UBE4A: variants seen among roughly 807,000 people sequenced by gnomAD.
The protein encoded by UBE4A is ubiquitin conjugation factor E4 A.
Under a neutral mutation model 117.9 loss-of-function variants are expected in UBE4A, and 48 were observed. That is an observed-to-expected ratio of 0.41 (90% CI 0.32 to 0.52). UBE4A has a LOEUF of 0.52. Ranked by LOEUF, UBE4A falls within the 20% of genes least tolerant of loss-of-function variation. The pLI is 0.33. For synonymous variants in UBE4A, 407 were observed against 450.0 expected (o/e 0.90, Z 1.21); for missense variants, 1,067 against 1,296.3 (o/e 0.82, Z 2.72).
At position 118,374,884 on chromosome 11, in the gene UBE4A, C is replaced by T; in HGVS notation, c.1117-12C>T. 6.7e-7 allele frequency: 1 copy of T among 1,489,956 alleles called. No individual in the cohort carries two copies. The allele number at this position is 1,489,956 out of a possible 1,614,324, so 92.3% of individuals were successfully genotyped here. On this transcript the variant is annotated splice_polypyrimidine_tract_variant and intron_variant, in intron 8 of 19. Coordinates refer to ENST00000252108, the MANE Select transcript of UBE4A (RefSeq NM_001204077.2). The stretch of plus-strand genomic sequence containing the variant: ...GTGAAACGTTCTGTGGTTGTGTTTT[C>T]TGGTTGAACAGTTCATGGCTCAGTT...
chr11:118,384,839 C>T lies in UBE4A; in HGVS notation c.2306C>T (p.Ala769Val). The T allele has an allele frequency of 6.2e-7, 1 of 1,613,314 alleles. No individual in the cohort carries two copies. Reference protein sequence around the residue: ...DTYRESIKDLADYASKNLEAM... With the variant: ...DTYRESIKDLVDYASKNLEAM... ...GTGGGCTGGGACTTACAGGATTTGG[C>T]TGACTATGCCTCTAAGAATTTAGAA... is the stretch of plus-strand genomic sequence containing the variant. The change falls in exon 15 of 20, where the codon GCT becomes GTT. Residue 769 changes from alanine (A) to valine (V), a missense_variant. Ala to Val is a moderately conservative substitution (Grantham distance 64). Transcript: ENST00000252108.
chr11:118,372,187 G>A (rs1948615120), intron 5 of UBE4A, among the ~76,000 whole-genome samples: 2 of 152,176 alleles, frequency 1.3e-5, no homozygotes, highest in South Asian at 4.1e-4. Context: ...CCTGGGAGGT[G>A]GAGGTTGCAG....
rs1386810380 is a variant in UBE4A, at chr11:118,373,395, G to A, written c.925-99G>A. On this transcript the variant is annotated intron_variant, in intron 7 of 19. Transcript: ENST00000252108. ...CTACCTATAAAATAAGAAAAAGATA[G>A]CTTGGTTGTTGTATCAACTTAACTG... 2.0e-6 allele frequency: 3 copies of A among 1,522,656 alleles called. 1 individual carries two copies. In the Middle Eastern group the frequency reaches 7.0e-4, roughly 355 times the overall value. The allele number at this position is 1,522,656 out of a possible 1,614,324, so 94.3% of individuals were successfully genotyped here. A position where few individuals can be genotyped will look rare whatever the true frequency, so the allele number is the denominator to read the frequency against.
intron 1 of UBE4A, among the ~76,000 whole-genome samples, chr11:118,361,127 C>A (rs1948517924): frequency 1.3e-5 from 2 of 151,098 alleles, no homozygotes; most frequent in Admixed American, 1.3e-4. Context: ...AAGTGATTCT[C>A]CTGCCTCAGC....
At chr11:118,393,163 T>C (rs1317195944) in intron 19 of UBE4A, among the ~76,000 whole-genome samples, 1 of 152,150 alleles carries the variant, frequency 6.6e-6, no homozygotes, top group African/African-American at 2.4e-5. Context: ...ATGCCTGTAA[T>C]CCCAGCACTT....
intron 10 of UBE4A, among the ~76,000 whole-genome samples, chr11:118,377,999 G>C (rs1440166415): frequency 6.6e-6 from 1 of 151,846 alleles, no homozygotes; most frequent in African/African-American, 2.4e-5. Context: ...TATAATCCCA[G>C]CACTTTGGGA....
chr11:118,377,705 G>A (rs1307819801), intron 10 of UBE4A, among the ~76,000 whole-genome samples: 3 of 151,516 alleles, frequency 2.0e-5, no homozygotes, highest in Non-Finnish European at 2.9e-5. Flanking sequence ...TTGAGCCCAG[G>A]AGTTTGAGAC....
chr11:118,386,570 A>G lies in UBE4A; in HGVS notation c.2545A>G (p.Met849Val). The G allele has an allele frequency of 1.3e-6, 2 of 1,595,760 alleles. No individual in the cohort carries two copies. The highest frequency in any genetic ancestry group is 8.5e-7 in the Non-Finnish European group (1 of 1,173,796). Residue 849 changes from methionine to valine, a missense_variant, in exon 16 of 20, where the codon ATG becomes GTG. Transcript: ENST00000252108. ...ACAGCTGGCACGTTTCCATAACATC[A>G]TGTCCAATGAAACAATCGGTACCCT... is the stretch of plus-strand genomic sequence containing the variant. ...FGQLARFHNI[M>V]SNETIGTLAF...
intron 1 of UBE4A, among the ~76,000 whole-genome samples, chr11:118,359,951 C>T (rs1159994021): frequency 3.3e-5 from 5 of 152,188 alleles, no homozygotes; most frequent in Admixed American, 6.5e-5. Context: ...ATTGCATTAT[C>T]TTTTGACTTA....
Position 118,390,599 on chromosome 11 carries a change from G to T in UBE4A, c.2769-58G>T, listed in dbSNP as rs200121816. ...ATGCTTGTTCTGCAGCCTACCTATT[G>T]TCTCTTCCATTGACCAACCCTCTGG... On this transcript the variant is annotated intron_variant, in intron 17 of 19. Coordinates refer to ENST00000252108, the MANE Select transcript of UBE4A (RefSeq NM_001204077.2). The T allele has an allele frequency of 4.3e-6, 6 of 1,380,926 alleles. No individual in the cohort carries two copies. The Admixed American group carries it at 8.5e-5, about 20-fold the overall frequency. 85.5% of individuals were successfully genotyped at this position (1,380,926 alleles called of 1,614,324 possible).
At chr11:118,386,345 T>G in intron 15 of UBE4A, 93 bp from the exon 16 acceptor site, 1 of 1,400,382 alleles carries the variant, frequency 7.1e-7, no homozygotes. Flanking sequence ...TTTCCCAGCT[T>G]AGTTGACTGG....
chr11:118,384,732 T>A lies in UBE4A; in HGVS notation c.2295T>A (p.Ile765=), dbSNP rs782820374. The A allele has an allele frequency of 4.3e-6, 7 of 1,613,654 alleles. No homozygotes were observed. The highest frequency in any genetic ancestry group is 5.9e-6 in the Non-Finnish European group (7 of 1,179,786). ...GGACAGATACCTATCGGGAGAGCAT[T>A]AAGGTGAGAGAGTTTTTGATGAAAC... The part of the protein sequence containing the change: ...MWGTDTYRES[I]KDLADYASKN... The change falls in exon 14 of 20, where the codon ATT becomes ATA. Residue 765 remains isoleucine, a synonymous_variant. Coordinates refer to ENST00000252108, the MANE Select transcript of UBE4A (RefSeq NM_001204077.2).
chr11:118,372,231 G>C (rs1948615444), intron 5 of UBE4A, among the ~76,000 whole-genome samples: 1 of 152,124 alleles, frequency 6.6e-6, no homozygotes, highest in South Asian at 2.1e-4. Context: ...CTCCAGCCTG[G>C]GTGACAGAGC....
At chr11:118,389,629 TAAC>T (rs1555127865) in intron 16 of UBE4A, 93 bp from the exon 17 acceptor site, 24 of 1,133,578 alleles carry the variant, frequency 2.1e-5, no homozygotes, top group Non-Finnish European at 2.7e-5. Flanking sequence ...AGAAATAAAA[TAAC>T]AGTAGTTCCC....
intron 2 of UBE4A, among the ~76,000 whole-genome samples, chr11:118,366,167 G>A (rs1235423817): frequency 6.6e-6 from 1 of 151,820 alleles, no homozygotes; most frequent in Non-Finnish European, 1.5e-5. Context: ...ATTGATGCAA[G>A]GGAAAAACAA....
At chr11:118,375,687 GAAA>G (rs782817548) in intron 9 of UBE4A, among the ~76,000 whole-genome samples, 1 of 144,846 alleles carries the variant, frequency 6.9e-6, no homozygotes, top group African/African-American at 2.5e-5. Context: ...ATGTTTGAGA[GAAA>G]AAAAAAAACA....
intron 1 of UBE4A, among the ~76,000 whole-genome samples, chr11:118,359,987 G>T (rs1305079158): frequency 6.6e-6 from 1 of 152,138 alleles, no homozygotes; most frequent in Non-Finnish European, 1.5e-5. Flanking sequence ...TGCCCCGGGC[G>T]GGTGGATCTC....
At chr11:118,381,752 C>G (rs2134100912) in intron 12 of UBE4A, among the ~76,000 whole-genome samples, 1 of 152,304 alleles carries the variant, frequency 6.6e-6, no homozygotes, top group Middle Eastern at 3.4e-3. Context: ...ATATAAGTAT[C>G]TTATGGGAAG....
At chr11:118,371,421 G>C in intron 4 of UBE4A, 93 bp from the exon 5 acceptor site, 1 of 1,394,586 alleles carries the variant, frequency 7.2e-7, no homozygotes, top group Non-Finnish European at 9.6e-7. Context: ...TGTGATTCTT[G>C]CTAATAACCT....
Sources: gnomAD v4.1 joint callset for allele counts (sites outside exome capture counted in the v4.1 genomes callset) on GRCh38, gnomAD v4.1.1 for gene constraint, MANE v1.5 for transcripts, NCBI Gene and HGNC (gene_info 2026-07-23, HGNC 2026-07-21) for gene names.